The following LIG1 variants were observed in gnomAD, a reference collection of about 807,000 sequenced individuals.
The protein encoded by LIG1 is ligase I, DNA, ATP-dependent.
LIG1 carries 70 observed loss-of-function variants against 115.7 expected under a neutral mutation model. The ratio of observed to expected loss-of-function variants is 0.60; its 90% CI spans 0.50 to 0.74. The LOEUF is 0.74. Ranked by LOEUF, LIG1 falls within the 30% of genes least tolerant of loss-of-function variation. LIG1 has a pLI of 0.00. For synonymous variants in LIG1, 487 were observed against 495.3 expected, an observed-to-expected ratio of 0.98 and a Z score of 0.22; for missense variants, 1,115 against 1,225.6, an observed-to-expected ratio of 0.91 and a Z score of 1.35.
intron 16 of LIG1, among the ~76,000 whole-genome samples, chr19:48,134,848 G>T (rs915647552): frequency 6.6e-6 from 1 of 152,240 alleles, no homozygotes; most frequent in East Asian, 1.9e-4. Context: ...GCCCAGAGCA[G>T]GTGCTCTGAG....
At chr19:48,127,865 G>A in intron 20 of LIG1, 45 bp downstream of exon 20, 1 of 1,490,032 alleles carries the variant, frequency 6.7e-7, no homozygotes, top group Non-Finnish European at 9.4e-7. Flanking sequence ...GGTGGAAGAT[G>A]AGGAAGTACG....
At chr19:48,166,391 T>A (rs937175591) in intron 1 of LIG1, among the ~76,000 whole-genome samples, 1 of 151,922 alleles carries the variant, frequency 6.6e-6, no homozygotes, top group Non-Finnish European at 1.5e-5. Context: ...TGAAACTCCA[T>A]CTCAAAAAAC....
At chr19:48,167,847 A>AAC (rs1555784214) in intron 1 of LIG1, among the ~76,000 whole-genome samples, 3 of 151,430 alleles carry the variant, frequency 2.0e-5, no homozygotes, top group African/African-American at 7.3e-5. Flanking sequence ...AAAAAAAAAA[A>AAC]AAACAAACAA....
chr19:48,117,663 GGA>G lies in LIG1; in HGVS notation c.2556_2557del (p.Pro853HisfsTer11). On this transcript the variant is annotated frameshift_variant, in exon 26 of 28. Transcript: ENST00000263274. LOFTEE classifies it high-confidence loss of function. ...CAGGCCCCGCGCAGCAGGGTAGATGGGAGAGAGGGAGAGGTCAGCGCACTTCA... is the reference window on the plus strand; with the variant it reads ...CAGGCCCCGCGCAGCAGGGTAGATGGGAGAGGGAGAGGTCAGCGCACTTCA... 6.2e-7 allele frequency: 1 copy of G among 1,612,746 alleles called. No homozygotes were observed. The highest frequency in any genetic ancestry group is 8.5e-7 in the Non-Finnish European group (1 of 1,179,626).
chr19:48,164,010 A>G (rs2036340685), intron 2 of LIG1, among the ~76,000 whole-genome samples: 1 of 152,002 alleles, frequency 6.6e-6, no homozygotes, highest in South Asian at 2.1e-4. Context: ...TGAAATCTGA[A>G]TAATAAAGTA....
chr19:48,116,536 T>C (rs1599725659), intron 26 of LIG1, among the ~76,000 whole-genome samples: 1 of 150,528 alleles, frequency 6.6e-6, no homozygotes, highest in South Asian at 2.1e-4. Context: ...GGCGCCAGGG[T>C]ATGGGTTCTA....
In LIG1 at chr19:48,137,184, C is replaced by T. The variant is rs1026158842; in HGVS notation, c.1255-100G>A. The stretch of plus-strand genomic sequence containing the variant: ...CTGCCCTGCATTTTGGAATACCTGC[C>T]CTCCTTCCCTCACCCCATCCCCATG... On this transcript the variant is annotated intron_variant, in intron 13 of 27. Coordinates refer to ENST00000263274, the MANE Select transcript of LIG1 (RefSeq NM_000234.3). The surrounding 1 kb of genome is among the most constrained non-coding windows in gnomAD (Gnocchi z 4.3). 3.1e-6 allele frequency: 3 copies of T among 983,452 alleles called. No homozygotes were observed. The African/African-American group carries it at 4.8e-5, about 16-fold the overall frequency. 60.9% of individuals were successfully genotyped at this position (983,452 alleles called of 1,614,324 possible).
chr19:48,167,846 A>C lies in LIG1; in HGVS notation c.-57-2223T>G, dbSNP rs563913191. 4.2e-3 allele frequency among the ~76,000 whole-genome samples: 639 copies of C among 151,250 alleles called. 4 individuals carry two copies. Among genetic ancestry groups the C allele is most frequent in the South Asian group, 0.031 (146 of 4,742 alleles). ...GTCTTAAAAAAAAAAAAAAAAAAAA[A>C]AAAACAAACAAAAAAGAAACTCAGC... On this transcript the variant is annotated intron_variant, in intron 1 of 27. Coordinates refer to ENST00000263274, the MANE Select transcript of LIG1 (RefSeq NM_000234.3).
chr19:48,116,907 G>A (rs1008443376), intron 26 of LIG1, among the ~76,000 whole-genome samples: 7 of 152,184 alleles, frequency 4.6e-5, no homozygotes, highest in South Asian at 2.1e-4. Flanking sequence ...TTGGGAGGCC[G>A]AGGTGGGCGG....
rs549131231 is a variant in LIG1, at chr19:48,123,268, G to T, written c.2055C>A (p.Asn685Lys). The T allele has an allele frequency of 2.5e-6, 4 of 1,614,118 alleles. No individual in the cohort carries two copies. In the Admixed American group the frequency reaches 6.7e-5, roughly 27 times the overall value. Residue 685 changes from asparagine to lysine, a missense_variant, in exon 22 of 28, where the codon AAC becomes AAA. Asn to Lys is a moderately conservative substitution (Grantham distance 94, BLOSUM62 0). Transcript: ENST00000263274. ...CAAACTCGCCCTCTGTCTCCACAAA[G>T]TTCTCCCGGAGCAGCTGCCGGCGCC... Reference protein sequence around the residue: ...LSRRRQLLRENFVETEGEFVF... With the variant: ...LSRRRQLLREKFVETEGEFVF...
At position 48,119,693 on chromosome 19, in the gene LIG1, C is replaced by A. The variant is rs201673122; in HGVS notation, c.2386-503G>T. Among the ~76,000 whole-genome samples the A allele has an allele frequency of 4.6e-5, 7 of 152,204 alleles. No homozygotes were observed. In the East Asian group the frequency reaches 1.4e-3, roughly 29 times the overall value. ...AGCTGGGACCACAGGCATGCACCAC[C>A]ACGCCTGGCTAATTTTTTAAAAAAG... On this transcript the variant is annotated intron_variant, in intron 24 of 27. Coordinates refer to ENST00000263274, the MANE Select transcript of LIG1 (RefSeq NM_000234.3).
At chr19:48,149,729 C>T (rs771148838) in intron 9 of LIG1, 34 bp downstream of exon 9, 11 of 1,576,964 alleles carry the variant, frequency 7.0e-6, no homozygotes, top group African/African-American at 6.7e-5. Context: ...GAACACATCC[C>T]GAAGAACCTT....
At chr19:48,151,559 A>T (rs1432401159) in intron 6 of LIG1, among the ~76,000 whole-genome samples, 2 of 151,932 alleles carry the variant, frequency 1.3e-5, no homozygotes, top group Non-Finnish European at 2.9e-5. Context: ...CCTCCCGAGT[A>T]GCTGGGATGA....
Position 48,152,653 on chromosome 19 carries a change from G to A in LIG1, c.466+1219C>T, listed in dbSNP as rs1457746756. ...TTAGATTTTTCAAAGGAAACCCAGC[G>A]ACACCTGCTGGCCAGTGTGTGAACT... On this transcript the variant is annotated intron_variant, in intron 6 of 27. Coordinates refer to ENST00000263274, the MANE Select transcript of LIG1 (RefSeq NM_000234.3). 1.7e-4 allele frequency among the ~76,000 whole-genome samples: 26 copies of A among 152,088 alleles called. 2 individuals carry two copies. Among genetic ancestry groups the A allele is most frequent in the Admixed American group, 1.6e-3 (24 of 15,256 alleles).
At chr19:48,143,997 A>G in intron 9 of LIG1, 34 bp from the exon 10 acceptor site, 3 of 1,530,258 alleles carry the variant, frequency 2.0e-6, no homozygotes, top group South Asian at 2.2e-5. Flanking sequence ...AATTGCATAG[A>G]GCCCTGGGTC....
chr19:48,132,940 C>A (rs768442523), intron 18 of LIG1, 42 bp downstream of exon 18: 3 of 1,431,312 alleles, frequency 2.1e-6, no homozygotes, highest in South Asian at 2.3e-5. Context: ...TGCTCTTTGA[C>A]GTTTTCCTGT....
chr19:48,170,037 C>T (rs900887205), intron 1 of LIG1: 14 of 347,890 alleles, frequency 4.0e-5, no homozygotes, highest in African/African-American at 2.0e-4. Context: ...CTCTACCTGG[C>T]CCCCCTCCCT....
intron 25 of LIG1, 119 bp from the exon 26 acceptor site, chr19:48,117,900 A>T: frequency 3.1e-6 from 3 of 977,384 alleles, no homozygotes; most frequent in Non-Finnish European, 4.8e-6. Context: ...TGAAGTAAAC[A>T]GAAATAGGAA....
At chr19:48,133,141 G>C (rs1370319268) in intron 17 of LIG1, 44 bp from the exon 18 acceptor site, 2 of 1,226,852 alleles carry the variant, frequency 1.6e-6, no homozygotes, top group Admixed American at 3.4e-5. Context: ...GAAGGCAATG[G>C]ATTAGAGGGG....
Sources: gnomAD v4.1 joint callset for allele counts (sites outside exome capture counted in the v4.1 genomes callset) on GRCh38, gnomAD v4.1.1 for gene constraint, Gnocchi (gnomAD v3.1) non-coding constraint, MANE v1.5 for transcripts, NCBI Gene and HGNC (gene_info 2026-07-23, HGNC 2026-07-21) for gene names.